Variants in ASPM observed in about 807,000 individuals in gnomAD.
ASPM encodes assembly factor for spindle microtubules.
A neutral mutation model predicts 366.4 loss-of-function variants in ASPM; 256 were observed. The ratio of observed to expected loss-of-function variants is 0.70; its 90% CI spans 0.63 to 0.77. ASPM has a LOEUF of 0.77. Among genes scored for constraint, ASPM ranks in the 30% least tolerant of loss-of-function variants. ASPM has a pLI of 0.00. For missense variants in ASPM, 4,146 were observed against 4,090.4 expected (o/e 1.01, Z -0.37); for synonymous variants, 1,414 against 1,342.9 (o/e 1.05, Z -1.16).
At position 197,102,561 on chromosome 1, in the gene ASPM, GTTTC is replaced by G. The variant is rs770540184; in HGVS notation, c.6686_6689del (p.Arg2229ThrfsTer10). Reference sequence around the variant, plus strand: ...GTTTGTTATACCTTTGAAATTGTATGTTTCTTTCTTTCATTGCCCAGTATCTTTG... The same window carrying G: ...GTTTGTTATACCTTTGAAATTGTATGTTTCTTTCATTGCCCAGTATCTTTG... On this transcript the variant is annotated frameshift_variant, in exon 18 of 28. Coordinates refer to ENST00000367409, the MANE Select transcript of ASPM (RefSeq NM_018136.5). LOFTEE classifies it high-confidence loss of function. 10 of 1,611,988 alleles carry G rather than the reference GTTTC, an allele frequency of 6.2e-6. 1 individual carries two copies. The highest frequency in any genetic ancestry group is 4.4e-5 in the South Asian group (4 of 91,022).
chr1:197,116,589 C>T (rs1484107628), intron 17 of ASPM, among the ~76,000 whole-genome samples: 3 of 152,000 alleles, frequency 2.0e-5, no homozygotes, highest in Non-Finnish European at 4.4e-5. Flanking sequence ...GCCTTAAGAA[C>T]AATTGTACTC....
intron 25 of ASPM, among the ~76,000 whole-genome samples, chr1:197,089,613 T>C (rs552481634): frequency 5.1e-4 from 77 of 151,908 alleles, no homozygotes; most frequent in Non-Finnish European, 8.2e-4. Context: ...ATGAACTACT[T>C]TAGAGGATTA....
chr1:197,094,070 T>C lies in ASPM; in HGVS notation c.9084+14A>G, dbSNP rs775153587. 4.7e-6 allele frequency: 7 copies of C among 1,473,774 alleles called. No individual in the cohort carries two copies. The African/African-American group carries it at 7.0e-5, about 15-fold the overall frequency. 91.3% of individuals were successfully genotyped at this position (1,473,774 alleles called of 1,614,324 possible). A position where few individuals can be genotyped will look rare whatever the true frequency, so the allele number is the denominator to read the frequency against. On this transcript the variant is annotated intron_variant, in intron 20 of 27. Transcript: ENST00000367409. ...AAGTAGTTATTTGCAAGTGAATTAA[T>C]TTTTAATACCTACTTTTATCATTAA...
At position 197,144,100 on chromosome 1, in the gene ASPM, G is replaced by C. The variant is rs1488963904; in HGVS notation, c.298C>G (p.Pro100Ala). The change falls in exon 2 of 28, where the codon CCT becomes GCT. Residue 100 changes from proline (P) to alanine (A), a missense_variant and splice_region_variant. Coordinates refer to ENST00000367409, the MANE Select transcript of ASPM (RefSeq NM_018136.5). ...ACAGAAATAACAATTTTCTCTTTAG[G>C]CTATAATCAAAACAATACATTATAT... ...SVSQRCFVLQPKEKIVISVNW... is the reference protein window; with the variant it reads ...SVSQRCFVLQAKEKIVISVNW... The C allele has an allele frequency of 2.5e-6, 4 of 1,593,962 alleles. No individual in the cohort carries two copies. Among genetic ancestry groups the C allele is most frequent in the Admixed American group, 1.7e-5 (1 of 59,890 alleles).
chr1:197,117,736 TAAA>T (rs905844276), intron 17 of ASPM, 50 bp downstream of exon 17: 8 of 1,502,884 alleles, frequency 5.3e-6, no homozygotes, highest in Non-Finnish European at 6.4e-6. Flanking sequence ...CCTTCTTACT[TAAA>T]AAAGTCATTA....
chr1:197,108,461 A>G (rs960424238), intron 17 of ASPM, among the ~76,000 whole-genome samples: 1 of 152,102 alleles, frequency 6.6e-6, no homozygotes, highest in Admixed American at 6.6e-5. Flanking sequence ...AAACTCTAGC[A>G]AGACTGACAA....
Position 197,143,800 on chromosome 1 carries a change from C to G in ASPM, c.452G>C (p.Trp151Ser). ...EEQKKKKRSL[W>S]DTIKKKKISA... ...AATTTTCTTCTTTTTAATGGTATCC[C>G]AAAGACTCCTCTGCAAAAATAAGGA... is the stretch of plus-strand genomic sequence containing the variant. The change falls in exon 3 of 28, where the codon TGG becomes TCG. Residue 151 changes from tryptophan (W) to serine (S), a missense_variant. Transcript: ENST00000367409. 6.2e-7 allele frequency: 1 copy of G among 1,612,136 alleles called. No homozygotes were observed. The highest frequency in any genetic ancestry group is 2.2e-5 in the East Asian group (1 of 44,850).
chr1:197,106,100 C>T (rs781341693), intron 17 of ASPM, among the ~76,000 whole-genome samples: 4 of 151,950 alleles, frequency 2.6e-5, no homozygotes, highest in African/African-American at 9.7e-5. Context: ...ATAGCAGTAT[C>T]GAGTTTGCTT....
chr1:197,138,922 C>T, intron 4 of ASPM: 1 of 848,122 alleles, frequency 1.2e-6, no homozygotes, highest in Non-Finnish European at 2.0e-6. Flanking sequence ...TTGAACTTGT[C>T]CTGCAGCTCT....
intron 27 of ASPM, 84 bp downstream of exon 27, chr1:197,086,719 G>T: frequency 1.7e-6 from 2 of 1,195,024 alleles, no homozygotes; most frequent in Non-Finnish European, 2.5e-6. Context: ...AGCACATCTT[G>T]TTTATGGTAA....
chr1:197,138,874 G>C, intron 4 of ASPM: 1 of 949,072 alleles, frequency 1.1e-6, no homozygotes, highest in Non-Finnish European at 1.7e-6. Flanking sequence ...TCTTCTTCGA[G>C]CTTCCTTATC....
At chr1:197,139,479 C>A (rs770205806) in intron 4 of ASPM, among the ~76,000 whole-genome samples, 4 of 152,186 alleles carry the variant, frequency 2.6e-5, no homozygotes, top group Non-Finnish European at 5.9e-5. Context: ...TGCCCGCAGT[C>A]CAAATATCTG....
At chr1:197,122,096 C>T in intron 15 of ASPM, 53 bp from the exon 16 acceptor site, 1 of 1,600,582 alleles carries the variant, frequency 6.2e-7, no homozygotes, top group Non-Finnish European at 8.6e-7. Context: ...GAATACAGTA[C>T]TTACTATCAT....
In ASPM at chr1:197,100,979, A is replaced by G. The variant is rs771000984; in HGVS notation, c.8272T>C (p.Leu2758=). The change falls in exon 18 of 28, where the codon TTG becomes CTG. Residue 2758 remains leucine, a synonymous_variant. Transcript: ENST00000367409. The stretch of plus-strand genomic sequence containing the variant: ...ATCTTTTCCTCTGATACATTTTTCA[A>G]TTTTTGTCTAACTTTCATGCCTCTA... ...AFRGMKVRQK[L]KNVSEEKMAA... 2 of 1,612,504 alleles carry G rather than the reference A, an allele frequency of 1.2e-6. No homozygotes were observed. The highest frequency in any genetic ancestry group is 2.2e-5 in the East Asian group (1 of 44,798).
At chr1:197,086,713 C>T (rs914972254) in intron 27 of ASPM, 90 bp downstream of exon 27, 10 of 1,131,146 alleles carry the variant, frequency 8.8e-6, no homozygotes, top group Non-Finnish European at 9.4e-6. Flanking sequence ...CTGAAAAGCA[C>T]ATCTTGTTTA....
Position 197,124,932 on chromosome 1 carries a change from T to C in ASPM, c.3106A>G (p.Ile1036Val), listed in dbSNP as rs777385950. The C allele has an allele frequency of 3.7e-6, 6 of 1,612,224 alleles. No individual in the cohort carries two copies. Among genetic ancestry groups the C allele is most frequent in the South Asian group, 1.1e-5 (1 of 91,044 alleles). ...GTTTTTTCTCTGTGCCTATCCACAA[T>C]ATCCTTAGATAGAATTGTATTTCCT... is the stretch of plus-strand genomic sequence containing the variant. ...EHGNTILSKD[I>V]VDRHREKTLR... Residue 1036 changes from isoleucine to valine, a missense_variant, in exon 12 of 28, where the codon ATT becomes GTT. Transcript: ENST00000367409.
chr1:197,106,908 C>G (rs1411200023), intron 17 of ASPM, among the ~76,000 whole-genome samples: 1 of 152,128 alleles, frequency 6.6e-6, no homozygotes, highest in Non-Finnish European at 1.5e-5. Context: ...TACTCTACCA[C>G]AGATATCTGC....
chr1:197,091,839 T>C, intron 22 of ASPM, 68 bp downstream of exon 22: 1 of 1,507,682 alleles, frequency 6.6e-7, no homozygotes, highest in Non-Finnish European at 9.2e-7. Flanking sequence ...GGAAATTGTT[T>C]ATTACATATC....
rs1656886978 is a variant in ASPM at position 197,094,153 on chromosome 1, A to G, written c.9015T>C (p.Ile3005=). Residue 3005 remains isoleucine, a synonymous_variant, in exon 20 of 28, where the codon ATT becomes ATC. Coordinates refer to ENST00000367409, the MANE Select transcript of ASPM (RefSeq NM_018136.5). ...TAGCTCTCCATTTTCTCTGAATGAT[A>G]ATTGCTGATGCTCTCACATTCAAAA... ...TRFLNVRASA[I]IIQRKWRAIL... 2 of 1,607,108 alleles carry G rather than the reference A, an allele frequency of 1.2e-6. No homozygotes were observed. Among genetic ancestry groups the G allele is most frequent in the South Asian group, 2.2e-5 (2 of 90,484 alleles).
Sources: allele counts gnomAD v4.1 joint callset (sites outside exome capture counted in the v4.1 genomes callset), GRCh38; gene constraint gnomAD v4.1.1; transcripts MANE v1.5; gene names NCBI Gene and HGNC (gene_info 2026-07-23, HGNC 2026-07-21).